The following PRKN variants were observed in gnomAD, a reference collection of about 807,000 sequenced individuals.
PRKN encodes the protein E3 ubiquitin-protein ligase parkin.
PRKN carries 56 observed loss-of-function variants against 59.5 expected under a neutral mutation model. The observed-to-expected ratio is 0.94, with a 90% confidence interval of 0.76 to 1.18. The LOEUF (loss-of-function observed/expected upper bound fraction) is 1.18. Ranked by LOEUF, PRKN falls within the 50% of genes most tolerant of loss-of-function variation. The pLI is 0.00. For synonymous variants in PRKN, 250 were observed against 222.1 expected (o/e 1.13, Z -1.12); for missense variants, 657 against 596.4 (o/e 1.10, Z -1.06).
chr6:161,725,129 G>A (rs1787388693), intron 7 of PRKN, among the ~76,000 whole-genome samples: 1 of 152,220 alleles, frequency 6.6e-6, no homozygotes, highest in African/African-American at 2.4e-5. Context: ...GCAGAACCAT[G>A]AGCCAATGAA....
At chr6:162,557,685 T>A (rs533997533) in intron 1 of PRKN, among the ~76,000 whole-genome samples, 1 of 152,308 alleles carries the variant, frequency 6.6e-6, no homozygotes, top group African/African-American at 2.4e-5. Flanking sequence ...AATTTTTGTA[T>A]TTTTAGTAGA....
At chr6:162,365,265 T>C (rs1418433883) in intron 2 of PRKN, among the ~76,000 whole-genome samples, 2 of 152,168 alleles carry the variant, frequency 1.3e-5, no homozygotes, top group Non-Finnish European at 2.9e-5. Context: ...TGTATTGTTC[T>C]GTAATGTGCT....
intron 6 of PRKN, among the ~76,000 whole-genome samples, chr6:161,881,130 G>C (rs1794920016): frequency 6.6e-6 from 1 of 152,162 alleles, no homozygotes; most frequent in South Asian, 2.1e-4. Flanking sequence ...CCCATACTCA[G>C]GGTTCCCACA....
At chr6:162,597,502 G>T (rs1413047284) in intron 1 of PRKN, among the ~76,000 whole-genome samples, 4 of 152,136 alleles carry the variant, frequency 2.6e-5, no homozygotes, top group African/African-American at 9.7e-5. Context: ...ATTTGACTCT[G>T]CTGTGATTAT....
rs35609309 is a variant in PRKN, at chr6:162,284,215, C to CTTTTTTTTTTTTTT, written c.172-21464_172-21451dup. ...TATTTATGTATTGTGTTATTTCTTT[C>CTTTTTTTTTTTTTT]TTTTTTTTTTTTTTTTTTTTTTTTT... On this transcript the variant is annotated intron_variant, in intron 2 of 11. Coordinates refer to ENST00000366898, the MANE Select transcript of PRKN (RefSeq NM_004562.3). Among the ~76,000 whole-genome samples the CTTTTTTTTTTTTTT allele has an allele frequency of 9.2e-5, 7 of 75,678 alleles. 1 individual carries two copies. The highest frequency in any genetic ancestry group is 1.9e-4 in the African/African-American group (4 of 20,822). The allele number at this position is 75,678 out of a possible 152,430, so 49.6% of individuals were successfully genotyped here. A position where few individuals can be genotyped will look rare whatever the true frequency, so the allele number is the denominator to read the frequency against.
chr6:162,587,302 A>C (rs1019331370), intron 1 of PRKN, among the ~76,000 whole-genome samples: 2 of 152,000 alleles, frequency 1.3e-5, no homozygotes, highest in Admixed American at 1.3e-4. Context: ...CATTCAGCTA[A>C]TTTTTGTGTT....
At chr6:161,610,541 C>T (rs1195634746) in intron 7 of PRKN, among the ~76,000 whole-genome samples, 1 of 145,940 alleles carries the variant, frequency 6.9e-6, no homozygotes, top group Non-Finnish European at 1.5e-5. Context: ...ATTTAAGAAC[C>T]TCTATGGACC....
chr6:161,541,557 A>G (rs1464008657), intron 9 of PRKN, among the ~76,000 whole-genome samples: 1 of 152,232 alleles, frequency 6.6e-6, no homozygotes, highest in African/African-American at 2.4e-5. Context: ...GCGGTGGCTC[A>G]CGCCTATAAT....
intron 5 of PRKN, among the ~76,000 whole-genome samples, chr6:162,018,243 G>A (rs111597433): frequency 0.21 from 32,207 of 151,978 alleles, 3,586 homozygotes; most frequent in African/African-American, 0.29. Flanking sequence ...AGCCAGGATG[G>A]TCTCAATCTC....
rs147601674 is a variant in PRKN at position 162,083,381 on chromosome 6, G to A, written c.535-29207C>T. Among the ~76,000 whole-genome samples the A allele has an allele frequency of 1.5e-3, 231 of 152,084 alleles. 3 individuals carry two copies. The highest frequency in any genetic ancestry group is 5.1e-3 in the African/African-American group (211 of 41,426). ...AAATGGTGCTGCTGATAGACTTGCC[G>A]CTCAATACCGGGTTTCCACAAACCT... On this transcript the variant is annotated intron_variant, in intron 4 of 11. Transcript: ENST00000366898.
chr6:161,767,104 T>C (rs1789455672), intron 7 of PRKN, among the ~76,000 whole-genome samples: 1 of 152,204 alleles, frequency 6.6e-6, no homozygotes, highest in African/African-American at 2.4e-5. Flanking sequence ...TCACGACTTA[T>C]AGTTCAGTAC....
chr6:162,506,377 C>A (rs1345156806), intron 1 of PRKN, among the ~76,000 whole-genome samples: 1 of 151,540 alleles, frequency 6.6e-6, no homozygotes. Context: ...AAATGTCTAG[C>A]AAGCTAAAGA....
At chr6:161,746,461 C>T (rs1215620761) in intron 7 of PRKN, among the ~76,000 whole-genome samples, 1 of 151,024 alleles carries the variant, frequency 6.6e-6, no homozygotes, top group African/African-American at 2.4e-5. Flanking sequence ...CAAACAGACA[C>T]ATACAAAAAA....
intron 9 of PRKN, among the ~76,000 whole-genome samples, chr6:161,464,252 A>T (rs915828847): frequency 6.6e-6 from 1 of 152,098 alleles, no homozygotes; most frequent in African/African-American, 2.4e-5. Context: ...GACCTCAGGT[A>T]ATCTGCCTAC....
chr6:162,501,057 C>G (rs73608427), intron 1 of PRKN, among the ~76,000 whole-genome samples: 1 of 152,080 alleles, frequency 6.6e-6, no homozygotes, highest in African/African-American at 2.4e-5. Context: ...GTACCAACAA[C>G]TCAGGGAGGT....
intron 10 of PRKN, among the ~76,000 whole-genome samples, chr6:161,384,499 T>C (rs969714221): frequency 5.3e-5 from 8 of 151,796 alleles, no homozygotes; most frequent in Non-Finnish European, 1.0e-4. Context: ...GCCAAGATCA[T>C]ACCACTGCAC....
intron 1 of PRKN, among the ~76,000 whole-genome samples, chr6:162,661,524 G>A (rs775687358): frequency 3.0e-4 from 46 of 152,084 alleles, no homozygotes; most frequent in East Asian, 9.7e-4. Context: ...GAGACCTGGC[G>A]GTGGCCTTAT....
At chr6:161,365,322 G>A (rs1448365407) in intron 10 of PRKN, among the ~76,000 whole-genome samples, 1 of 152,200 alleles carries the variant, frequency 6.6e-6, no homozygotes, top group African/African-American at 2.4e-5. Context: ...TATCTGGGAG[G>A]CCTTGTCTGC....
Position 162,115,617 on chromosome 6 carries a change from T to C in PRKN, c.535-61443A>G, listed in dbSNP as rs374684459. 1.3e-4 allele frequency among the ~76,000 whole-genome samples: 19 copies of C among 151,606 alleles called. 1 individual carries two copies. The East Asian group carries it at 2.3e-3, about 19-fold the overall frequency. ...CCCAAGTGTTATCTGAGAGATCACT[T>C]TGAGAGAAGGAAAGCAAGCGGTGTT... On this transcript the variant is annotated intron_variant, in intron 4 of 11. Transcript: ENST00000366898.
Sources: gnomAD v4.1 joint callset for allele counts (sites outside exome capture counted in the v4.1 genomes callset) on GRCh38, gnomAD v4.1.1 for gene constraint, MANE v1.5 for transcripts, NCBI Gene and HGNC (gene_info 2026-07-23, HGNC 2026-07-21) for gene names.